Variants in PPM1L observed in about 807,000 individuals in gnomAD.
The protein encoded by PPM1L is protein phosphatase 1L.
In PPM1L, 13 loss-of-function variants were observed where a neutral mutation model predicts 31.4. The observed-to-expected ratio is 0.41, with a 90% confidence interval of 0.27 to 0.66. The LOEUF is 0.66. PPM1L is among the 30% of genes least tolerant of loss of function. The pLI is 0.29. For synonymous variants in PPM1L, 184 were observed against 175.4 expected, an observed-to-expected ratio of 1.05 and a Z score of -0.39; for missense variants, 326 against 453.7, an observed-to-expected ratio of 0.72 and a Z score of 2.56.
At chr3:160,920,615 T>TCACA (rs1162244272) in intron 1 of PPM1L, among the ~76,000 whole-genome samples, 148 of 28,686 alleles carry the variant, frequency 5.2e-3, no homozygotes, top group Non-Finnish European at 0.01. Context: ...TCTCTCTCTC[T>TCACA]CACACACACA....
At chr3:160,793,843 A>G (rs1712170122) in intron 1 of PPM1L, among the ~76,000 whole-genome samples, 1 of 152,218 alleles carries the variant, frequency 6.6e-6, no homozygotes, top group South Asian at 2.1e-4. Flanking sequence ...GTTTATGCAA[A>G]TGAAGGATTA....
rs189703474 is a variant in PPM1L, at chr3:160,972,468, C to T, written c.574+10558C>T. 7.1e-3 allele frequency among the ~76,000 whole-genome samples: 1,075 copies of T among 150,992 alleles called. 17 individuals are homozygous for T. The highest frequency in any genetic ancestry group is 0.024 in the African/African-American group (996 of 41,138). ...TGAGGTGTTTGGTTTTTTGTCCTTG[C>T]GATAGTTTGCTGAGAATAATGGTTT... On this transcript the variant is annotated intron_variant, in intron 2 of 3. Coordinates refer to ENST00000498165, the MANE Select transcript of PPM1L (RefSeq NM_139245.4).
At chr3:160,885,304 G>T (rs139930841) in intron 1 of PPM1L, among the ~76,000 whole-genome samples, 1,688 of 152,270 alleles carry the variant, frequency 0.011, 13 homozygotes, top group Middle Eastern at 0.017. Context: ...CAAAGGCAAA[G>T]GTTATAGATC....
chr3:160,837,637 T>C (rs1409620144), intron 1 of PPM1L, among the ~76,000 whole-genome samples: 1 of 152,216 alleles, frequency 6.6e-6, no homozygotes, highest in Non-Finnish European at 1.5e-5. Context: ...GCGGGAGGAA[T>C]GCTTGTCCTT....
At chr3:160,868,232 A>G (rs930451561) in intron 1 of PPM1L, among the ~76,000 whole-genome samples, 1 of 152,220 alleles carries the variant, frequency 6.6e-6, no homozygotes, top group African/African-American at 2.4e-5. Context: ...TACACAAGTG[A>G]CACCTAGTAT....
chr3:160,970,929 TACAG>T (rs1449682776), intron 2 of PPM1L, among the ~76,000 whole-genome samples: 3 of 151,948 alleles, frequency 2.0e-5, no homozygotes, highest in African/African-American at 7.3e-5. Flanking sequence ...TAGCTGGGAC[TACAG>T]GCGCCCGCCA....
At chr3:160,831,642 C>G (rs1003319692) in intron 1 of PPM1L, among the ~76,000 whole-genome samples, 1 of 152,144 alleles carries the variant, frequency 6.6e-6, no homozygotes, top group African/African-American at 2.4e-5. Context: ...CTAAGCCTCC[C>G]CACCGAATAA....
At chr3:160,995,195 A>G (rs1236795003) in intron 2 of PPM1L, among the ~76,000 whole-genome samples, 5 of 152,216 alleles carry the variant, frequency 3.3e-5, no homozygotes, top group African/African-American at 4.8e-5. Context: ...GGGAAAAATT[A>G]TGGAATGTGA....
At chr3:161,066,418 T>C (rs1334677815) in intron 3 of PPM1L, among the ~76,000 whole-genome samples, 1 of 152,144 alleles carries the variant, frequency 6.6e-6, no homozygotes, top group Non-Finnish European at 1.5e-5. Flanking sequence ...TCATATAGTA[T>C]ATTAGAAGTT....
chr3:160,831,081 G>A (rs1713512273), intron 1 of PPM1L, among the ~76,000 whole-genome samples: 1 of 152,156 alleles, frequency 6.6e-6, no homozygotes, highest in African/African-American at 2.4e-5. Context: ...GTTTATACAT[G>A]TTTCATAGTT....
intron 1 of PPM1L, among the ~76,000 whole-genome samples, chr3:160,830,426 T>A (rs566045242): frequency 1.8e-4 from 27 of 152,304 alleles, no homozygotes; most frequent in African/African-American, 6.3e-4. Flanking sequence ...AGTCATTTGT[T>A]TGAGGTAGGT....
chr3:160,770,264 A>G (rs1321588532), intron 1 of PPM1L, among the ~76,000 whole-genome samples: 1 of 152,066 alleles, frequency 6.6e-6, no homozygotes, highest in African/African-American at 2.4e-5. Flanking sequence ...GCCTCATTTC[A>G]TTAACTAGAA....
intron 1 of PPM1L, among the ~76,000 whole-genome samples, chr3:160,812,907 A>G (rs1239363716): frequency 6.6e-6 from 1 of 152,218 alleles, no homozygotes; most frequent in African/African-American, 2.4e-5. Flanking sequence ...ACCTTATAAT[A>G]AAGTAGGTGA....
In PPM1L at chr3:160,856,476, TAA is replaced by T. The variant is rs1168649866; in HGVS notation, c.399+99775_399+99776del. On this transcript the variant is annotated intron_variant, in intron 1 of 3. Coordinates refer to ENST00000498165, the MANE Select transcript of PPM1L (RefSeq NM_139245.4). The stretch of plus-strand genomic sequence containing the variant: ...TACAGCATAGAACACGACACAGGCA[TAA>T]AAAAAGAATGAGATCATGTCCTTTG... Among the ~76,000 whole-genome samples, 3 of 151,944 alleles carry T rather than the reference TAA, an allele frequency of 2.0e-5. No individual in the cohort carries two copies. The East Asian group carries it at 5.8e-4, about 29-fold the overall frequency.
At chr3:160,838,079 CT>C (rs920243733) in intron 1 of PPM1L, among the ~76,000 whole-genome samples, 2 of 152,120 alleles carry the variant, frequency 1.3e-5, no homozygotes, top group African/African-American at 4.8e-5. Flanking sequence ...CAGCTACTAA[CT>C]GGTGGTGTCT....
At chr3:160,933,176 C>T (rs1714841891) in intron 1 of PPM1L, among the ~76,000 whole-genome samples, 1 of 152,018 alleles carries the variant, frequency 6.6e-6, no homozygotes, top group Non-Finnish European at 1.5e-5. Flanking sequence ...GTATTATATG[C>T]CATTTTTTTT....
intron 1 of PPM1L, among the ~76,000 whole-genome samples, chr3:160,944,765 A>ATAT (rs1429898040): frequency 1.7e-5 from 1 of 60,432 alleles, no homozygotes; most frequent in Non-Finnish European, 5.5e-5. Context: ...TGTTATATAT[A>ATAT]ACATGTTATA....
intron 1 of PPM1L, among the ~76,000 whole-genome samples, chr3:160,927,547 A>G (rs1868105): frequency 0.27 from 40,614 of 151,834 alleles, 5,735 homozygotes; most frequent in East Asian, 0.51. Context: ...ACTGTTACAT[A>G]TTATGTGATT....
rs1371040730 is a variant in PPM1L, at chr3:161,037,621, G to A, written c.575-27782G>A. Among the ~76,000 whole-genome samples the A allele has an allele frequency of 1.2e-4, 17 of 145,812 alleles. No individual in the cohort carries two copies. In the South Asian group the frequency reaches 1.8e-3, roughly 15 times the overall value. ...TTTTTTTGGTATTTTTAGTAGAGACGGGGTTTCTCCATGTTGGTCAGGCTG... is the reference window on the plus strand; with the variant it reads ...TTTTTTTGGTATTTTTAGTAGAGACAGGGTTTCTCCATGTTGGTCAGGCTG... On this transcript the variant is annotated intron_variant, in intron 2 of 3. Coordinates refer to ENST00000498165, the MANE Select transcript of PPM1L (RefSeq NM_139245.4).
Sources: allele counts gnomAD v4.1 joint callset (sites outside exome capture counted in the v4.1 genomes callset), GRCh38; gene constraint gnomAD v4.1.1; transcripts MANE v1.5; gene names NCBI Gene and HGNC (gene_info 2026-07-23, HGNC 2026-07-21).